LINGO1: variants seen among roughly 807,000 people sequenced by gnomAD.
The protein encoded by LINGO1 is leucine-rich repeat and immunoglobulin-like domain-containing nogo receptor-interacting protein 1.
Under a neutral mutation model 37.3 loss-of-function variants are expected in LINGO1, and 11 were observed. The ratio of observed to expected loss-of-function variants is 0.29; its 90% CI spans 0.19 to 0.49. The LOEUF is 0.49. Among genes scored for constraint, LINGO1 ranks in the 20% least tolerant of loss-of-function variants. LINGO1 has a pLI of 0.99. For synonymous variants in LINGO1, 387 were observed against 403.0 expected, an observed-to-expected ratio of 0.96 and a Z score of 0.48; for missense variants, 585 against 878.2, an observed-to-expected ratio of 0.67 and a Z score of 4.22.
chr15:77,804,599 T>C (rs546021091), intron 1 of LINGO1, among the ~76,000 whole-genome samples: 50 of 152,246 alleles, frequency 3.3e-4, no homozygotes, highest in Non-Finnish European at 4.3e-4. Context: ...CTAGACAAGG[T>C]GGTTCACGTG....
Position 77,778,257 on chromosome 15 carries a change from T to C in LINGO1, c.-257+8612A>G, listed in dbSNP as rs527346061. On this transcript the variant is annotated intron_variant, in intron 1 of 3. Coordinates refer to the LINGO1 transcript ENST00000561686. ...CAAATCTCCCTCTGCCTCCCTCTTA[T>C]ATGGACACTAGTGATTGCATTCAGG... Among the ~76,000 whole-genome samples, 19 of 152,274 alleles carry C rather than the reference T, an allele frequency of 1.2e-4. No individual in the cohort carries two copies. The South Asian group carries it at 2.5e-3, about 20-fold the overall frequency.
At position 77,776,526 on chromosome 15, in the gene LINGO1, A is replaced by AAGGGAGGG. The variant is rs56325112; in HGVS notation, c.-257+10335_-257+10342dup. ...GAAGGCAGGAAGGCAGGAAGGGAGG[A>AAGGGAGGG]AGGGAGGGAGGGAGGGAGGGAGGGA... On this transcript the variant is annotated intron_variant, in intron 1 of 3. Transcript: ENST00000561686. Among the ~76,000 whole-genome samples the AAGGGAGGG allele has an allele frequency of 1.5e-3, 54 of 35,774 alleles. 1 individual carries two copies. The highest frequency in any genetic ancestry group is 4.8e-3 in the African/African-American group (48 of 9,998). The allele number at this position is 35,774 out of a possible 152,430, so 23.5% of individuals were successfully genotyped here.
intron 1 of LINGO1, among the ~76,000 whole-genome samples, chr15:77,621,197 G>C (rs954923415): frequency 9.9e-5 from 15 of 152,030 alleles, no homozygotes; most frequent in Admixed American, 9.2e-4. Context: ...TGCGATTATA[G>C]GTGTCCACCA....
chr15:77,745,686 T>C lies in LINGO1; in HGVS notation c.-256-10633A>G, dbSNP rs2076307334. 2.0e-5 allele frequency among the ~76,000 whole-genome samples: 3 copies of C among 152,096 alleles called. No individual in the cohort carries two copies. In the South Asian group the frequency reaches 6.2e-4, roughly 32 times the overall value. On this transcript the variant is annotated intron_variant, in intron 1 of 3. Coordinates refer to the LINGO1 transcript ENST00000561686. ...CCTGTGCCAATCACCTCATACACAA[T>C]TGCTCATCTCTTCCTCACAACCCTG...
intron 2 of LINGO1, among the ~76,000 whole-genome samples, chr15:77,731,774 G>A (rs1297873484): frequency 1.3e-5 from 2 of 152,116 alleles, no homozygotes; most frequent in Admixed American, 6.5e-5. Context: ...CTACCCAGGT[G>A]GCTGAAAGCT....
At chr15:77,675,438 T>C (rs1414084099) in intron 3 of LINGO1, among the ~76,000 whole-genome samples, 1 of 152,126 alleles carries the variant, frequency 6.6e-6, no homozygotes, top group African/African-American at 2.4e-5. Flanking sequence ...ATACAAGGGA[T>C]GTAAAAGGGT....
At chr15:77,695,692 C>T (rs2075679758) in intron 1 of LINGO1, among the ~76,000 whole-genome samples, 1 of 152,084 alleles carries the variant, frequency 6.6e-6, no homozygotes. Context: ...TGCCCAGCCT[C>T]CCCCTGCCCC....
chr15:77,617,506 T>C (rs2073769319), intron 1 of LINGO1, among the ~76,000 whole-genome samples: 1 of 152,194 alleles, frequency 6.6e-6, no homozygotes, highest in Admixed American at 6.5e-5. Flanking sequence ...CCTGTACTCA[T>C]GGCCCGGAAG....
chr15:77,681,273 C>T (rs1009983560), intron 2 of LINGO1, among the ~76,000 whole-genome samples: 4 of 151,822 alleles, frequency 2.6e-5, no homozygotes, highest in African/African-American at 9.7e-5. Flanking sequence ...TGGGTGCAGG[C>T]TGAGGTTTTC....
At chr15:77,713,173 G>A (rs1204070246) in intron 2 of LINGO1, among the ~76,000 whole-genome samples, 3 of 150,350 alleles carry the variant, frequency 2.0e-5, no homozygotes, top group Non-Finnish European at 4.4e-5. Context: ...CTCCCAAATA[G>A]CTGGGATTAC....
At chr15:77,641,861 C>T in intron 3 of LINGO1, 2 of 456,582 alleles carry the variant, frequency 4.4e-6, no homozygotes, top group South Asian at 3.1e-5. Flanking sequence ...GCCTGATAGG[C>T]TGAGGCCAGC....
rs755798246 is a variant in LINGO1 at position 77,719,836 on chromosome 15, TCACA to T, written c.-195+15152_-195+15155del. 4.5e-4 allele frequency among the ~76,000 whole-genome samples: 67 copies of T among 147,954 alleles called. 2 individuals carry two copies. Among genetic ancestry groups the T allele is most frequent in the Non-Finnish European group, 3.6e-4 (24 of 66,742 alleles). Reference sequence around the variant, plus strand: ...CACGCTTTCATACACACATATGTACTCACACACACACAGACTGGCACTTATACAC... The same window carrying T: ...CACGCTTTCATACACACATATGTACTCACACACAGACTGGCACTTATACAC... On this transcript the variant is annotated intron_variant, in intron 2 of 3. Coordinates refer to the LINGO1 transcript ENST00000561686.
At chr15:77,668,455 C>G (rs891855934) in intron 3 of LINGO1, among the ~76,000 whole-genome samples, 4 of 152,184 alleles carry the variant, frequency 2.6e-5, no homozygotes, top group African/African-American at 9.7e-5. Flanking sequence ...ATGCCAGTCA[C>G]AGGCTGAACT....
intron 2 of LINGO1, among the ~76,000 whole-genome samples, chr15:77,705,251 A>G (rs1007046997): frequency 2.1e-5 from 3 of 144,118 alleles, no homozygotes; most frequent in Admixed American, 7.2e-5. Context: ...AGGTTCCCCG[A>G]CCAGTTTTAT....
chr15:77,792,717 T>C (rs1248538027), intron 2 of LINGO1, among the ~76,000 whole-genome samples: 2 of 152,254 alleles, frequency 1.3e-5, no homozygotes, highest in African/African-American at 4.8e-5. Flanking sequence ...GTTTCTTCTG[T>C]CTACTCTGTT....
chr15:77,791,254 A>C (rs977113617), upstream of LINGO1, among the ~76,000 whole-genome samples: 11 of 152,128 alleles, frequency 7.2e-5, no homozygotes, highest in Admixed American at 5.9e-4. Flanking sequence ...TGAGGAGGGC[A>C]AAGAGGAAGA....
intron 1 of LINGO1, among the ~76,000 whole-genome samples, chr15:77,745,287 G>T (rs192020813): frequency 6.6e-6 from 1 of 151,742 alleles, no homozygotes; most frequent in Non-Finnish European, 1.5e-5. Flanking sequence ...TTAGCCAGGC[G>T]TGGTGGTGGG....
At chr15:77,691,982 A>G (rs970201533) in intron 1 of LINGO1, among the ~76,000 whole-genome samples, 2 of 152,150 alleles carry the variant, frequency 1.3e-5, no homozygotes, top group Non-Finnish European at 2.9e-5. Flanking sequence ...TGTTCAGAGA[A>G]AGCAACCACA....
chr15:77,798,346 G>A (rs1402722088), intron 1 of LINGO1, among the ~76,000 whole-genome samples: 3 of 152,226 alleles, frequency 2.0e-5, no homozygotes, highest in Non-Finnish European at 4.4e-5. Context: ...GTCCTTGGAA[G>A]GCCTCCAGAC....
Sources: allele counts gnomAD v4.1 joint callset (sites outside exome capture counted in the v4.1 genomes callset), GRCh38; gene constraint gnomAD v4.1.1; transcripts MANE v1.5; gene names NCBI Gene and HGNC (gene_info 2026-07-23, HGNC 2026-07-21).